The following NAV2 variants were observed in gnomAD, a reference collection of about 807,000 sequenced individuals.
The protein encoded by NAV2 is helicase, APC down-regulated 1.
In NAV2, 54 loss-of-function variants were observed where a neutral mutation model predicts 223.2. That is an observed-to-expected ratio of 0.24 (90% confidence interval 0.19 to 0.30). The LOEUF (loss-of-function observed/expected upper bound fraction) is 0.30. Ranked by LOEUF, NAV2 falls within the 10% of genes least tolerant of loss-of-function variation. The pLI, the probability that NAV2 is intolerant of heterozygous loss-of-function variation, is 1.00. For synonymous variants in NAV2, 1,279 were observed against 1,239.3 expected (o/e 1.03, Z -0.67); for missense variants, 2,806 against 3,147.5 (o/e 0.89, Z 2.60).
intron 22 of NAV2, among the ~76,000 whole-genome samples, chr11:20,073,944 C>G (rs1368401535): frequency 6.6e-6 from 1 of 152,154 alleles, no homozygotes; most frequent in Non-Finnish European, 1.5e-5. Context: ...CAGTTCTGCT[C>G]TGATCTTAGT....
chr11:19,727,090 A>T (rs2051316556), intron 1 of NAV2, among the ~76,000 whole-genome samples: 1 of 152,226 alleles, frequency 6.6e-6, no homozygotes, highest in South Asian at 2.1e-4. Context: ...ATTCACCTGT[A>T]CACTGGGCTT....
At chr11:19,474,504 A>C (rs2042059098) in intron 1 of NAV2, among the ~76,000 whole-genome samples, 2 of 152,226 alleles carry the variant, frequency 1.3e-5, no homozygotes, top group African/African-American at 4.8e-5. Context: ...AACAGGAAAC[A>C]AAAGAAGGCT....
chr11:19,861,001 G>A (rs912399910), intron 3 of NAV2, among the ~76,000 whole-genome samples: 1 of 149,662 alleles, frequency 6.7e-6, no homozygotes, highest in Non-Finnish European at 1.5e-5. Flanking sequence ...GCTTCGGCTC[G>A]GCATCAGAGG....
Position 19,785,508 on chromosome 11 carries a change from A to C in NAV2, c.268-46976A>C, listed in dbSNP as rs145122764. 2.2e-3 allele frequency among the ~76,000 whole-genome samples: 340 copies of C among 152,320 alleles called. 4 individuals carry two copies. The highest frequency in any genetic ancestry group is 7.8e-3 in the African/African-American group (326 of 41,558). Reference sequence around the variant, plus strand: ...AAACTTGAGCCTGGAAAAGCCAACTAAAGTATATTATTTTATCAGTATTGA... The same window carrying C: ...AAACTTGAGCCTGGAAAAGCCAACTCAAGTATATTATTTTATCAGTATTGA... On this transcript the variant is annotated intron_variant, in intron 1 of 37. Coordinates refer to ENST00000349880, the MANE Select transcript of NAV2 (RefSeq NM_145117.5).
chr11:19,532,722 T>A (rs376238805), intron 1 of NAV2, among the ~76,000 whole-genome samples: 27 of 152,330 alleles, frequency 1.8e-4, no homozygotes, highest in African/African-American at 6.3e-4. Context: ...GATTGATGCA[T>A]AATTCTTGAG....
At chr11:19,722,813 A>G (rs1162591613) in intron 1 of NAV2, among the ~76,000 whole-genome samples, 1 of 152,206 alleles carries the variant, frequency 6.6e-6, no homozygotes, top group Non-Finnish European at 1.5e-5. Flanking sequence ...GGCCAAGCGT[A>G]GGAGACAGAG....
At chr11:20,025,049 G>T (rs1429212767) in intron 11 of NAV2, among the ~76,000 whole-genome samples, 1 of 152,126 alleles carries the variant, frequency 6.6e-6, no homozygotes, top group Non-Finnish European at 1.5e-5. Flanking sequence ...TCTTAACATT[G>T]AGTCAATGTG....
chr11:19,590,997 T>C (rs1222893570), intron 1 of NAV2, among the ~76,000 whole-genome samples: 2 of 152,228 alleles, frequency 1.3e-5, no homozygotes, highest in African/African-American at 2.4e-5. Context: ...ACAGAATCTT[T>C]AGGGTCTAAT....
chr11:19,789,796 G>A (rs540955994), intron 1 of NAV2, among the ~76,000 whole-genome samples: 2 of 152,230 alleles, frequency 1.3e-5, no homozygotes, highest in South Asian at 2.1e-4. Flanking sequence ...ATTAGTGCTG[G>A]GGCTTCCTCC....
intron 1 of NAV2, chr11:19,384,883 G>A (rs1487320366): frequency 6.6e-6 from 1 of 152,182 alleles, no homozygotes; most frequent in Non-Finnish European, 1.5e-5. Flanking sequence ...TGTAAAAAAT[G>A]TGCTTTTGCA....
chr11:19,606,786 G>A (rs932233272), intron 1 of NAV2, among the ~76,000 whole-genome samples: 2 of 152,168 alleles, frequency 1.3e-5, no homozygotes, highest in African/African-American at 4.8e-5. Flanking sequence ...TCTTGTTTCT[G>A]TATTATCCTT....
At position 20,051,272 on chromosome 11, in the gene NAV2, T is replaced by C; in HGVS notation, c.4437-17T>C. On this transcript the variant is annotated splice_polypyrimidine_tract_variant and intron_variant, in intron 16 of 37. Transcript: ENST00000349880. The stretch of plus-strand genomic sequence containing the variant: ...TGCTGCTCTGAAGTTCTTATTTTTG[T>C]TTTAACTTTCCTACAGTGACCCGCA... 6.2e-7 allele frequency: 1 copy of C among 1,613,426 alleles called. No homozygotes were observed. Among genetic ancestry groups the C allele is most frequent in the East Asian group, 2.2e-5 (1 of 44,876 alleles).
chr11:19,818,849 T>G (rs2059237996), intron 1 of NAV2, among the ~76,000 whole-genome samples: 1 of 152,242 alleles, frequency 6.6e-6, no homozygotes, highest in South Asian at 2.1e-4. Context: ...TTTTATGGAC[T>G]TTATAATCTA....
chr11:19,630,049 G>A (rs1428596314), intron 1 of NAV2, among the ~76,000 whole-genome samples: 3 of 149,868 alleles, frequency 2.0e-5, no homozygotes, highest in African/African-American at 7.6e-5. Flanking sequence ...TCTGGGGAAT[G>A]CGACCTATGT....
intron 10 of NAV2, among the ~76,000 whole-genome samples, chr11:19,954,648 T>C (rs2047677732): frequency 6.6e-6 from 1 of 152,156 alleles, no homozygotes; most frequent in African/African-American, 2.4e-5. Flanking sequence ...CATAAGAGGG[T>C]GCTTCGTGCT....
intron 1 of NAV2, among the ~76,000 whole-genome samples, chr11:19,636,396 C>G (rs2047502486): frequency 6.6e-6 from 1 of 152,156 alleles, no homozygotes; most frequent in Admixed American, 6.5e-5. Flanking sequence ...GGAAGGGACC[C>G]AGGAGACTGC....
Position 20,054,160 on chromosome 11 carries a change from A to G in NAV2, c.4562A>G (p.Asp1521Gly), listed in dbSNP as rs766953407. 6.2e-7 allele frequency: 1 copy of G among 1,613,784 alleles called. No homozygotes were observed. The highest frequency in any genetic ancestry group is 1.1e-5 in the South Asian group (1 of 90,972). Residue 1521 changes from aspartate (D) to glycine (G), a missense_variant, in exon 18 of 38, where the codon GAC becomes GGC. Around this residue, in one of 4 missense-constraint regions of NAV2, gnomAD observed 742 missense variants for 777.9 expected, o/e 0.95. Coordinates refer to ENST00000349880, the MANE Select transcript of NAV2 (RefSeq NM_145117.5). Reference sequence around the variant, plus strand: ...TCCCATTCTGCAGGAGGCCTTCAGGACACCGCTGCCAATTCCCCCTTTTCC... The same window carrying G: ...TCCCATTCTGCAGGAGGCCTTCAGGGCACCGCTGCCAATTCCCCCTTTTCC... The part of the protein sequence containing the change: ...LRSHSAGGLQ[D>G]TAANSPFSSG...
intron 1 of NAV2, among the ~76,000 whole-genome samples, chr11:19,669,734 T>C (rs932604510): frequency 2.0e-5 from 3 of 152,186 alleles, no homozygotes; most frequent in Non-Finnish European, 4.4e-5. Flanking sequence ...CAGTACCCTA[T>C]CCAGTTCCCT....
chr11:20,035,772 C>A (rs1375405674), intron 11 of NAV2, among the ~76,000 whole-genome samples, 187 bp from the exon 12 acceptor site: 2 of 152,196 alleles, frequency 1.3e-5, no homozygotes, highest in Non-Finnish European at 2.9e-5. Flanking sequence ...CCTCTTCACC[C>A]AGCTTCCAAT....
Sources: gnomAD v4.1 joint callset for allele counts (sites outside exome capture counted in the v4.1 genomes callset) on GRCh38, gnomAD v4.1.1 for gene constraint, gnomAD v4.1.1 regional missense constraint, MANE v1.5 for transcripts, NCBI Gene and HGNC (gene_info 2026-07-23, HGNC 2026-07-21) for gene names.